Variants in GARIN1B observed in about 807,000 individuals in gnomAD.
GARIN1B encodes the protein Golgi-associated RAB2 interactor protein 1B.
chr7:128,720,205 T>TC, the GARIN1B span, among the ~76,000 whole-genome samples: 1 of 147,442 alleles, frequency 6.8e-6, no homozygotes, highest in Non-Finnish European at 1.5e-5. Flanking sequence ...TCCTTCTTCT[T>TC]TTTTTTTTTT....
At chr7:128,710,524 C>G in the GARIN1B span, among the ~76,000 whole-genome samples, 1 of 151,792 alleles carries the variant, frequency 6.6e-6, no homozygotes, top group Non-Finnish European at 1.5e-5. Context: ...CTCTCCCCAG[C>G]TTTATTGTAT....
the GARIN1B span, among the ~76,000 whole-genome samples, chr7:128,728,973 AC>A: frequency 6.6e-6 from 1 of 152,180 alleles, no homozygotes; most frequent in African/African-American, 2.4e-5. Context: ...CTCAAAACAT[AC>A]CCCATGACAT....
the GARIN1B span, chr7:128,717,069 C>A: frequency 7.3e-7 from 1 of 1,371,922 alleles, no homozygotes; most frequent in Non-Finnish European, 9.9e-7. Flanking sequence ...TGCTTGACTA[C>A]TAAACTCAAG....
chr7:128,718,173 C>T, the GARIN1B span, among the ~76,000 whole-genome samples: 1 of 152,150 alleles, frequency 6.6e-6, no homozygotes. Context: ...TGGCTCGTGC[C>T]TGTAATCCCA....
the GARIN1B span, among the ~76,000 whole-genome samples, chr7:128,710,356 G>T: frequency 2.0e-5 from 3 of 152,156 alleles, no homozygotes; most frequent in African/African-American, 7.2e-5. Context: ...GCTAAATCAG[G>T]ACTTTTTTTG....
At chr7:128,711,118 T>A in the GARIN1B span, among the ~76,000 whole-genome samples, 2 of 152,228 alleles carry the variant, frequency 1.3e-5, no homozygotes, top group African/African-American at 2.4e-5. Flanking sequence ...GGGATCATTA[T>A]TCTTTTGATA....
At chr7:128,710,776 C>T in the GARIN1B span, among the ~76,000 whole-genome samples, 1 of 151,938 alleles carries the variant, frequency 6.6e-6, no homozygotes, top group Non-Finnish European at 1.5e-5. Context: ...CCTCCGCCTC[C>T]CTGAGTAGTT....
the GARIN1B span, chr7:128,731,518 G>C: frequency 1.5e-5 from 4 of 266,540 alleles, no homozygotes; most frequent in Non-Finnish European, 2.2e-5. Context: ...CTTGGTAGAC[G>C]AGATAAGGAG....
At chr7:128,716,871 G>A in the GARIN1B span, 7 of 1,613,924 alleles carry the variant, frequency 4.3e-6, no homozygotes, top group African/African-American at 1.3e-5. Context: ...ATGGCCCTGG[G>A]GGTGACCTCC....
the GARIN1B span, chr7:128,723,171 T>G: frequency 6.3e-7 from 1 of 1,589,440 alleles, no homozygotes; most frequent in Non-Finnish European, 8.6e-7. Flanking sequence ...CTTAACCACC[T>G]GGTTCTGCTT....
the GARIN1B span, chr7:128,723,376 G>A: frequency 6.3e-7 from 1 of 1,578,520 alleles, no homozygotes; most frequent in South Asian, 1.1e-5. Flanking sequence ...CAGATGGTCT[G>A]GGCTGTGAGA....
the GARIN1B span, chr7:128,729,785 C>A: frequency 9.2e-7 from 1 of 1,082,172 alleles, no homozygotes; most frequent in Non-Finnish European, 1.4e-6. Flanking sequence ...CATGAATGCA[C>A]GTAATTGTTT....
the GARIN1B span, among the ~76,000 whole-genome samples, chr7:128,714,455 G>A: frequency 0.28 from 43,168 of 151,850 alleles, 6,489 homozygotes; most frequent in Middle Eastern, 0.43. Context: ...GCACATGCCT[G>A]TAATCCCAGC....
the GARIN1B span, chr7:128,715,626 T>C: frequency 3.7e-6 from 6 of 1,613,948 alleles, no homozygotes; most frequent in East Asian, 8.9e-5. Context: ...CTCTGCCGGG[T>C]GGTTCATTCT....
At chr7:128,716,036 C>T in the GARIN1B span, among the ~76,000 whole-genome samples, 1 of 152,158 alleles carries the variant, frequency 6.6e-6, no homozygotes, top group East Asian at 1.9e-4. Context: ...AACAATAATG[C>T]GGATTGGCGA....
chr7:128,712,601 C>T, the GARIN1B span, among the ~76,000 whole-genome samples: 3 of 152,206 alleles, frequency 2.0e-5, no homozygotes, highest in South Asian at 2.1e-4. Flanking sequence ...GTGCAAGCTA[C>T]GAAATGATAC....
At chr7:128,715,489 G>C in the GARIN1B span, 1 of 1,614,164 alleles carries the variant, frequency 6.2e-7, no homozygotes, top group South Asian at 1.1e-5. Context: ...AATCAAAGAA[G>C]ACAGTAAAAG....
the GARIN1B span, among the ~76,000 whole-genome samples, chr7:128,730,610 A>G: frequency 6.6e-6 from 1 of 151,776 alleles, no homozygotes; most frequent in Non-Finnish European, 1.5e-5. Flanking sequence ...GGGAGGGGTG[A>G]TTTCTGTTTT....
At chr7:128,715,138 C>A in the GARIN1B span, 1 of 467,222 alleles carries the variant, frequency 2.1e-6, no homozygotes, top group Non-Finnish European at 2.8e-6. Context: ...CCTGACAGCC[C>A]TCCTTGCTTG....
Sources: gnomAD v4.1 joint callset for allele counts (sites outside exome capture counted in the v4.1 genomes callset) on GRCh38, gnomAD v4.1.1 for gene constraint, MANE v1.5 for transcripts, NCBI Gene and HGNC (gene_info 2026-07-23, HGNC 2026-07-21) for gene names.